Variants in CDH13 observed in about 807,000 individuals in gnomAD.
The protein encoded by CDH13 is cadherin 13.
CDH13 carries 24 observed loss-of-function variants against 63.8 expected under a neutral mutation model. That is an observed-to-expected ratio of 0.38 (90% CI 0.27 to 0.53). The LOEUF is 0.53. Ranked by LOEUF, CDH13 falls within the 20% of genes least tolerant of loss-of-function variation. The probability of loss-of-function intolerance (pLI) is 0.85; values close to 1 mark genes in which losing one functional copy is unlikely to be tolerated. For missense variants in CDH13, 1,049 were observed against 903.1 expected, an observed-to-expected ratio of 1.16 and a Z score of -2.07; for synonymous variants, 503 against 355.3, an observed-to-expected ratio of 1.42 and a Z score of -4.67.
At chr16:83,735,663 C>T (rs1597148539) in intron 10 of CDH13, 1 of 152,262 alleles carries the variant, frequency 6.6e-6, no homozygotes, top group South Asian at 2.1e-4. Flanking sequence ...CTCTGAGTAT[C>T]CTCGTAGAAC....
chr16:82,898,071 T>C (rs1268260911), intron 2 of CDH13, among the ~76,000 whole-genome samples: 2 of 152,054 alleles, frequency 1.3e-5, no homozygotes, highest in Non-Finnish European at 2.9e-5. Flanking sequence ...TCTCAAAGAG[T>C]GAATAAAGAA....
intron 10 of CDH13, among the ~76,000 whole-genome samples, chr16:83,741,906 T>G (rs913602281): frequency 2.0e-5 from 3 of 152,162 alleles, no homozygotes; most frequent in African/African-American, 7.2e-5. Flanking sequence ...GCACACTCCT[T>G]ATGAGAATCT....
chr16:83,366,984 C>T (rs533927008), intron 6 of CDH13, among the ~76,000 whole-genome samples: 1 of 152,174 alleles, frequency 6.6e-6, no homozygotes, highest in Non-Finnish European at 1.5e-5. Flanking sequence ...AATTCATAGA[C>T]TGTATGATTC....
At chr16:83,281,874 C>T (rs1248501346) in intron 5 of CDH13, among the ~76,000 whole-genome samples, 1 of 152,152 alleles carries the variant, frequency 6.6e-6, no homozygotes, top group Non-Finnish European at 1.5e-5. Flanking sequence ...GATTGCACCA[C>T]TGCATTCTAA....
chr16:82,666,960 T>C (rs944153209), intron 1 of CDH13, among the ~76,000 whole-genome samples: 6 of 152,138 alleles, frequency 3.9e-5, no homozygotes, highest in African/African-American at 7.2e-5. Flanking sequence ...CTGAGATGAG[T>C]TCAGGAATGG....
intron 1 of CDH13, among the ~76,000 whole-genome samples, chr16:82,748,533 T>G (rs2318186): frequency 0.27 from 41,440 of 152,016 alleles, 6,328 homozygotes; most frequent in South Asian, 0.38. Context: ...TGGTGGTGGT[T>G]GTGGTGGTTT....
chr16:83,396,144 A>G (rs1230790025), intron 6 of CDH13, among the ~76,000 whole-genome samples: 1 of 152,172 alleles, frequency 6.6e-6, no homozygotes, highest in Non-Finnish European at 1.5e-5. Context: ...TTATGGCTGC[A>G]TAGTATTCCG....
intron 8 of CDH13, among the ~76,000 whole-genome samples, chr16:83,613,703 C>G (rs923820323): frequency 2.0e-5 from 3 of 151,994 alleles, no homozygotes; most frequent in East Asian, 1.9e-4. Flanking sequence ...CGTGGTGGCG[C>G]CCACCTGTAG....
intron 7 of CDH13, among the ~76,000 whole-genome samples, chr16:83,519,536 A>G (rs564385961): frequency 2.6e-4 from 39 of 152,356 alleles, no homozygotes; most frequent in South Asian, 2.1e-3. Context: ...CACTTTAACT[A>G]TAATACCTTG....
chr16:83,030,976 A>C (rs1179653286), intron 2 of CDH13, among the ~76,000 whole-genome samples: 1 of 151,736 alleles, frequency 6.6e-6, no homozygotes, highest in Non-Finnish European at 1.5e-5. Context: ...AGTTCCTCAA[A>C]GTAAATTAAG....
chr16:83,699,952 A>C (rs889778072), intron 10 of CDH13, among the ~76,000 whole-genome samples: 6 of 152,166 alleles, frequency 3.9e-5, no homozygotes, highest in African/African-American at 1.4e-4. Context: ...ATTGACATGC[A>C]AAAGTGCACA....
chr16:83,780,281 T>C (rs1429887450), intron 12 of CDH13, 80 bp downstream of exon 12: 1 of 919,388 alleles, frequency 1.1e-6, no homozygotes, highest in East Asian at 2.7e-5. Flanking sequence ...GTTTCTCTAC[T>C]GTTCTCTCAA....
intron 6 of CDH13, among the ~76,000 whole-genome samples, chr16:83,419,870 G>C (rs2071663623): frequency 1.3e-5 from 2 of 151,192 alleles, no homozygotes; most frequent in African/African-American, 4.9e-5. Context: ...TACACATTCA[G>C]CTCTACATAA....
intron 6 of CDH13, among the ~76,000 whole-genome samples, chr16:83,436,487 T>A (rs558295054): frequency 4.0e-5 from 6 of 151,470 alleles, no homozygotes; most frequent in South Asian, 2.1e-4. Flanking sequence ...AAAAAAAAAA[T>A]TATACAATGA....
At chr16:82,629,778 C>T (rs961698288) in intron 1 of CDH13, among the ~76,000 whole-genome samples, 1 of 152,150 alleles carries the variant, frequency 6.6e-6, no homozygotes, top group South Asian at 2.1e-4. Context: ...CTCTCCTATC[C>T]CCTGGGGTGT....
At chr16:83,160,141 T>C (rs757387006) in intron 4 of CDH13, among the ~76,000 whole-genome samples, 1 of 152,122 alleles carries the variant, frequency 6.6e-6, no homozygotes, top group Non-Finnish European at 1.5e-5. Context: ...GGATGTACCA[T>C]GATTCAAACT....
intron 1 of CDH13, among the ~76,000 whole-genome samples, chr16:82,691,299 C>A (rs1266385531): frequency 6.6e-6 from 1 of 152,220 alleles, no homozygotes; most frequent in African/African-American, 2.4e-5. Flanking sequence ...TGGCTGCCAG[C>A]ATCTTCCTGC....
intron 1 of CDH13, among the ~76,000 whole-genome samples, chr16:82,709,724 G>C (rs556328583): frequency 6.6e-6 from 1 of 152,182 alleles, no homozygotes; most frequent in Non-Finnish European, 1.5e-5. Flanking sequence ...GAATAGAAAA[G>C]ATATGGTAAA....
intron 6 of CDH13, among the ~76,000 whole-genome samples, chr16:83,369,966 C>G (rs530719391): frequency 5.9e-4 from 90 of 152,364 alleles, no homozygotes; most frequent in African/African-American, 2.1e-3. Context: ...TGCAGCTGGT[C>G]TTGCTCTCTA....
Sources: allele counts gnomAD v4.1 joint callset (sites outside exome capture counted in the v4.1 genomes callset), GRCh38; gene constraint gnomAD v4.1.1; transcripts MANE v1.5; gene names NCBI Gene and HGNC (gene_info 2026-07-23, HGNC 2026-07-21).